The following RFX1 variants were observed in gnomAD, a reference collection of about 807,000 sequenced individuals.
RFX1 encodes the protein regulatory factor X1.
Under a neutral mutation model 119.6 loss-of-function variants are expected in RFX1, and 42 were observed. The observed-to-expected ratio is 0.35, with a 90% CI of 0.27 to 0.45. The LOEUF is 0.45. Ranked by LOEUF, RFX1 falls within the 20% of genes least tolerant of loss-of-function variation. The pLI, the probability that RFX1 is intolerant of heterozygous loss-of-function variation, is 1.00. For synonymous variants in RFX1, 628 were observed against 618.5 expected, an observed-to-expected ratio of 1.02 and a Z score of -0.23; for missense variants, 1,118 against 1,368.1, an observed-to-expected ratio of 0.82 and a Z score of 2.88.
intron 12 of RFX1, among the ~76,000 whole-genome samples, chr19:13,967,454 C>A (rs903954300): frequency 1.4e-5 from 2 of 143,496 alleles, no homozygotes; most frequent in African/African-American, 5.2e-5. Flanking sequence ...TGGGATTACA[C>A]ACGTGAGCCA....
intron 9 of RFX1, among the ~76,000 whole-genome samples, chr19:13,971,374 C>T (rs1379317453): frequency 6.6e-6 from 1 of 152,000 alleles, no homozygotes; most frequent in Non-Finnish European, 1.5e-5. Flanking sequence ...GACTAGAAGC[C>T]AGGCTACATC....
intron 4 of RFX1, among the ~76,000 whole-genome samples, chr19:13,982,826 G>A (rs983698558): frequency 6.6e-6 from 1 of 152,280 alleles, no homozygotes; most frequent in East Asian, 1.9e-4. Context: ...GGGTGTGCGC[G>A]GCACCTCATG....
Position 13,990,172 on chromosome 19 carries a change from A to G in RFX1, c.319+3353T>C, listed in dbSNP as rs1391980824. ...GCCATCGTTAAGGGAGAACTACAGG[A>G]GCTAAGAGAGGTTCCCAGGTCTGAG... On this transcript the variant is annotated intron_variant, in intron 2 of 20. Coordinates refer to ENST00000254325, the MANE Select transcript of RFX1 (RefSeq NM_002918.5). The surrounding 1 kb of genome is among the most constrained non-coding windows in gnomAD (Gnocchi z 4.1). 6.6e-6 allele frequency among the ~76,000 whole-genome samples: 1 copy of G among 152,014 alleles called. No homozygotes were observed. The highest frequency in any genetic ancestry group is 1.5e-5 in the Non-Finnish European group (1 of 68,004).
chr19:13,971,955 G>A (rs1003717505), intron 9 of RFX1, among the ~76,000 whole-genome samples: 2 of 152,006 alleles, frequency 1.3e-5, no homozygotes, highest in African/African-American at 2.4e-5. Context: ...GCAGTGAGCC[G>A]AGATCATGCC....
chr19:13,975,653 C>T (rs548168566), intron 8 of RFX1, among the ~76,000 whole-genome samples: 16 of 152,350 alleles, frequency 1.1e-4, no homozygotes, highest in African/African-American at 3.6e-4. Flanking sequence ...GCGGGGGCCA[C>T]AGCCTGCTCA....
intron 1 of RFX1, among the ~76,000 whole-genome samples, chr19:14,005,889 G>C (rs927360389): frequency 6.6e-6 from 1 of 151,540 alleles, no homozygotes; most frequent in Admixed American, 6.6e-5. Context: ...GGGCCTGCGA[G>C]CGCCCGCCCC....
chr19:13,976,646 A>G (rs1599488841), intron 8 of RFX1, among the ~76,000 whole-genome samples: 1 of 152,254 alleles, frequency 6.6e-6, no homozygotes, highest in Admixed American at 6.5e-5. Context: ...GACACATGGT[A>G]GAAGAGCCAG....
intron 2 of RFX1, among the ~76,000 whole-genome samples, chr19:13,984,042 C>T (rs569080878): frequency 2.5e-4 from 38 of 152,220 alleles, no homozygotes; most frequent in Non-Finnish European, 3.5e-4. Flanking sequence ...GGAAGCTGCT[C>T]GGAGGAGTGG....
Position 13,968,786 on chromosome 19 carries a change from C to A in RFX1, c.1605G>T (p.Ser535=). The A allele has an allele frequency of 6.3e-7, 1 of 1,590,884 alleles. No homozygotes were observed. Among genetic ancestry groups the A allele is most frequent in the Non-Finnish European group, 8.6e-7 (1 of 1,168,786 alleles). ...QHMAMRGQPF[S]QKQRLKPIQK... ...CCCTGCCTTCCTACCTCTGCTTCTG[C>A]GAGAAGGGCTGGCCCCGCATGGCCA... The change falls in exon 11 of 21, where the codon TCG becomes TCT. Residue 535 remains serine, a synonymous_variant. Transcript: ENST00000254325. The surrounding 1 kb of genome is among the most constrained non-coding windows in gnomAD (Gnocchi z 5.5).
Position 13,993,812 on chromosome 19 carries a change from G to A in RFX1, c.32C>T (p.Ala11Val), listed in dbSNP as rs557323175. ...TGGCGGCTGGGATGGTGGCGGGGCT[G>A]CCTGTAGCTCAGTATACGCCTGTGT... MATQAYTELQAAPPPSQPPQA... is the reference protein window; with the variant it reads MATQAYTELQVAPPPSQPPQA... Residue 11 changes from alanine (A) to valine (V), a missense_variant, in exon 2 of 21, where the codon GCA becomes GTA. This residue lies in a region of RFX1 where 542 missense variants were observed against 602.7 expected (regional missense o/e 0.90). Coordinates refer to ENST00000254325, the MANE Select transcript of RFX1 (RefSeq NM_002918.5). 14 of 1,604,064 alleles carry A rather than the reference G, an allele frequency of 8.7e-6. No individual in the cohort carries two copies. Among genetic ancestry groups the A allele is most frequent in the Non-Finnish European group, 1.1e-5 (13 of 1,176,350 alleles).
At chr19:13,964,140 G>C (rs1479443731) in intron 16 of RFX1, 133 bp from the exon 17 acceptor site, 3 of 991,636 alleles carry the variant, frequency 3.0e-6, no homozygotes, top group Non-Finnish European at 4.3e-6. Flanking sequence ...CGCTACTTTT[G>C]TTGGGACACA....
Position 13,963,633 on chromosome 19 carries a change from C to T in RFX1, c.2475G>A (p.Leu825=). 4 of 1,601,824 alleles carry T rather than the reference C, an allele frequency of 2.5e-6. No homozygotes were observed. The highest frequency in any genetic ancestry group is 3.4e-6 in the Non-Finnish European group (4 of 1,177,644). ...TGAGCACCTGGCTCACCACGCCGTC[C>T]AGCCAGGCCGCCCACTGCTCCAGCG... ...QNSLEQWAAW[L]DGVVSQVLKP... The change falls in exon 18 of 21, where the codon CTG becomes CTA. Residue 825 remains leucine, a synonymous_variant. Coordinates refer to ENST00000254325, the MANE Select transcript of RFX1 (RefSeq NM_002918.5).
intron 2 of RFX1, among the ~76,000 whole-genome samples, chr19:13,992,347 C>T (rs987240146): frequency 3.3e-5 from 5 of 152,154 alleles, no homozygotes; most frequent in African/African-American, 9.7e-5. Context: ...CTGAGTCAGT[C>T]GAGACAGAGA....
chr19:13,983,317 A>T (rs1288144793), intron 3 of RFX1, 47 bp from the exon 4 acceptor site: 1 of 1,482,242 alleles, frequency 6.7e-7, no homozygotes, highest in African/African-American at 1.4e-5. Context: ...TCCCCCAGGG[A>T]GGCCTGGCGT....
intron 1 of RFX1, among the ~76,000 whole-genome samples, chr19:13,995,851 C>CAAAA (rs57542235): frequency 5.6e-5 from 2 of 35,626 alleles, no homozygotes; most frequent in Non-Finnish European, 7.1e-5. Context: ...ACTCTGTCTC[C>CAAAA]AAAAAAAAAA....
intron 8 of RFX1, among the ~76,000 whole-genome samples, chr19:13,977,310 A>G (rs1470634217): frequency 3.9e-5 from 6 of 152,000 alleles, no homozygotes; most frequent in Non-Finnish European, 1.5e-5. Context: ...AAAAACAAAA[A>G]AAAAGAAAAA....
At chr19:13,992,284 AAC>A (rs1974832577) in intron 2 of RFX1, among the ~76,000 whole-genome samples, 1 of 152,110 alleles carries the variant, frequency 6.6e-6, no homozygotes, top group Non-Finnish European at 1.5e-5. Flanking sequence ...AAACCAAAAA[AAC>A]ACACGAATCT....
rs777917284 is a variant in RFX1 at position 13,980,239 on chromosome 19, C to G, written c.738+334G>C. On this transcript the variant is annotated intron_variant, in intron 6 of 20. Coordinates refer to ENST00000254325, the MANE Select transcript of RFX1 (RefSeq NM_002918.5). The surrounding 1 kb of genome is among the most constrained non-coding windows in gnomAD (Gnocchi z 5.1). ...TGGGTCCCCTCCCTGAAATCCTCCC[C>G]AGAAGGAGCCAGGATGTGGCCTCGG... 1.3e-5 allele frequency among the ~76,000 whole-genome samples: 2 copies of G among 152,130 alleles called. No homozygotes were observed. Among genetic ancestry groups the G allele is most frequent in the Non-Finnish European group, 2.9e-5 (2 of 68,012 alleles).
chr19:13,997,228 A>G (rs1052447112), intron 1 of RFX1, among the ~76,000 whole-genome samples: 1 of 152,180 alleles, frequency 6.6e-6, no homozygotes, highest in Non-Finnish European at 1.5e-5. Flanking sequence ...CCCGGGATCC[A>G]GGTTCTGCTC....
Sources: gnomAD v4.1 joint callset for allele counts (sites outside exome capture counted in the v4.1 genomes callset) on GRCh38, gnomAD v4.1.1 for gene constraint, gnomAD v4.1.1 regional missense constraint, Gnocchi (gnomAD v3.1) non-coding constraint, MANE v1.5 for transcripts, NCBI Gene and HGNC (gene_info 2026-07-23, HGNC 2026-07-21) for gene names.